Variants in C2CD2L observed in about 807,000 individuals in gnomAD.
C2CD2L encodes the protein C2CD2 like.
Under a neutral mutation model 69.9 loss-of-function variants are expected in C2CD2L, and 24 were observed. The ratio of observed to expected loss-of-function variants is 0.34; its 90% CI spans 0.25 to 0.48. The LOEUF is 0.48. C2CD2L is among the 20% of genes least tolerant of loss of function. The pLI is 0.99. For synonymous variants in C2CD2L, 367 were observed against 391.0 expected, an observed-to-expected ratio of 0.94 and a Z score of 0.72; for missense variants, 811 against 941.5, an observed-to-expected ratio of 0.86 and a Z score of 1.81.
intron 7 of C2CD2L, chr11:119,112,102 G>A (rs535369736): frequency 1.8e-5 from 10 of 553,276 alleles, no homozygotes; most frequent in South Asian, 1.8e-4. Flanking sequence ...AGGAAGAGCA[G>A]GACCAGGGAG....
intron 10 of C2CD2L, 150 bp from the exon 11 acceptor site, chr11:119,113,461 A>G (rs1592242474): frequency 5.6e-6 from 7 of 1,241,738 alleles, no homozygotes; most frequent in Non-Finnish European, 7.7e-6. Flanking sequence ...TTTAGTCCCC[A>G]CGGCATCTTC....
chr11:119,111,587 C>T lies in C2CD2L; in HGVS notation c.977C>T (p.Ala326Val), dbSNP rs140133210. 8.7e-5 allele frequency: 141 copies of T among 1,614,066 alleles called. No individual in the cohort carries two copies. The East Asian group carries it at 2.4e-3, about 27-fold the overall frequency. The change falls in exon 7 of 14, where the codon GCG becomes GTG. Residue 326 changes from alanine (A) to valine (V), a missense_variant. Physicochemically the swap from Ala to Val is moderately conservative, Grantham distance 64. Transcript: ENST00000648610. ...ATGCAGCAGAAGTGGACCAAGCCCGCGAGGGCTGGATCCGAGGTGGAGTGG... is the reference window on the plus strand; with the variant it reads ...ATGCAGCAGAAGTGGACCAAGCCCGTGAGGGCTGGATCCGAGGTGGAGTGG... ...NPMQQKWTKP[A>V]RAGSEVEWTE...
upstream of C2CD2L, chr11:119,107,219 C>T (rs1946607274): frequency 6.6e-6 from 1 of 152,310 alleles, no homozygotes; most frequent in Non-Finnish European, 1.5e-5. The surrounding 1 kb of genome is among the most constrained non-coding windows in gnomAD (Gnocchi z 5.4). Context: ...TATTTTCAAC[C>T]CCGGAACCTC....
rs1374800327 is a variant in C2CD2L, at chr11:119,114,608, T to A, written c.1909+243T>A. ...CTTTACCTCCATTGTTCTTTCTTCCTGAGTCTAAGTGCCATTTTTCCTGCC... is the reference window on the plus strand; with the variant it reads ...CTTTACCTCCATTGTTCTTTCTTCCAGAGTCTAAGTGCCATTTTTCCTGCC... On this transcript the variant is annotated intron_variant, in intron 13 of 13. Transcript: ENST00000648610. The surrounding 1 kb of genome is among the most constrained non-coding windows in gnomAD (Gnocchi z 5.1). 3.7e-6 allele frequency: 2 copies of A among 533,704 alleles called. No individual in the cohort carries two copies. Among genetic ancestry groups the A allele is most frequent in the East Asian group, 6.5e-5 (2 of 30,708 alleles). 33.1% of individuals were successfully genotyped at this position (533,704 alleles called of 1,614,324 possible). A position where few individuals can be genotyped will look rare whatever the true frequency, so the allele number is the denominator to read the frequency against.
At chr11:119,113,446 T>C (rs763935986) in intron 10 of C2CD2L, 165 bp from the exon 11 acceptor site, 1 of 995,802 alleles carries the variant, frequency 1.0e-6, no homozygotes, top group Non-Finnish European at 1.4e-6. Flanking sequence ...GCTCCTGGGG[T>C]GTCTTTTAGT....
rs201942374 is a variant in C2CD2L at position 119,110,916 on chromosome 11, G to T, written c.640G>T (p.Asp214Tyr). Reference protein sequence around the residue: ...LISWAFTDRPDLSLTVLPKLQ... With the variant: ...LISWAFTDRPYLSLTVLPKLQ... ...ATCCTGGGCCTTCACTGATCGCCCA[G>T]ATCTCAGCCTAACGGTGCTTCCCAA... is the stretch of plus-strand genomic sequence containing the variant. Residue 214 changes from aspartate to tyrosine, a missense_variant, in exon 4 of 14, where the codon GAT becomes TAT. Coordinates refer to ENST00000648610, the MANE Select transcript of C2CD2L (RefSeq NM_001290474.2). This position sits in a 1 kb window ranked among gnomAD's most constrained non-coding sequence, Gnocchi z 5.7. 1 of 1,614,192 alleles carries T rather than the reference G, an allele frequency of 6.2e-7. No individual in the cohort carries two copies. Among genetic ancestry groups the T allele is most frequent in the East Asian group, 2.2e-5 (1 of 44,880 alleles).
chr11:119,111,509 G>A lies in C2CD2L; in HGVS notation c.911-12G>A. On this transcript the variant is annotated splice_polypyrimidine_tract_variant and intron_variant, in intron 6 of 13. Transcript: ENST00000648610. ...CTGATCTGAGCATCTTCTAACTTCT[G>A]GTTCATCACAGGCACCGAGGAACTG... 2 of 1,613,164 alleles carry A rather than the reference G, an allele frequency of 1.2e-6. No individual in the cohort carries two copies. The highest frequency in any genetic ancestry group is 1.7e-6 in the Non-Finnish European group (2 of 1,179,142).
rs377510226 is a variant in C2CD2L, at chr11:119,112,810, C to G, written c.1323C>G (p.Pro441=). The change falls in exon 10 of 14, where the codon CCC becomes CCG. Residue 441 remains proline (P), a synonymous_variant. Coordinates refer to ENST00000648610, the MANE Select transcript of C2CD2L (RefSeq NM_001290474.2). ...TTGAGCTTGACCGGACCATCATGCC[C>G]GATGGCACCATTGTCACCACAGTCA... ...KKIELDRTIM[P]DGTIVTTVTT... is the part of the protein sequence containing the mutation. 4 of 1,614,074 alleles carry G rather than the reference C, an allele frequency of 2.5e-6. No individual in the cohort carries two copies. The highest frequency in any genetic ancestry group is 2.2e-5 in the East Asian group (1 of 44,878).
rs768257581 is a variant in C2CD2L at position 119,112,552 on chromosome 11, C to G, written c.1155C>G (p.Cys385Trp). Reference protein sequence around the residue: ...PSRPLSRRQLCPLTPGPGKAL... With the variant: ...PSRPLSRRQLWPLTPGPGKAL... ...GACCACTGTCTCGAAGACAGTTGTG[C>G]CCACTCACCCCAGGGCCAGGGAAAG... is the stretch of plus-strand genomic sequence containing the variant. Residue 385 changes from cysteine to tryptophan, a missense_variant, in exon 9 of 14, where the codon TGC becomes TGG. By Grantham distance (215) the Cys-to-Trp change is radical. Transcript: ENST00000648610. 1.9e-6 allele frequency: 3 copies of G among 1,613,150 alleles called. No homozygotes were observed. In the East Asian group the frequency reaches 6.7e-5, roughly 36 times the overall value.
intron 7 of C2CD2L, chr11:119,111,940 A>G: frequency 2.3e-6 from 1 of 440,344 alleles, no homozygotes; most frequent in South Asian, 2.8e-5. Context: ...ATGAGGGAAT[A>G]AGGATCAGAG....
rs955270888 is a variant in C2CD2L, at chr11:119,117,582, T to G, written c.*1326T>G. 1.3e-5 allele frequency: 2 copies of G among 152,220 alleles called. No individual in the cohort carries two copies. The highest frequency in any genetic ancestry group is 2.9e-5 in the Non-Finnish European group (2 of 68,040). The allele number at this position is 152,220 out of a possible 1,614,324, so 9.4% of individuals were successfully genotyped here. ...GGTTGTGGATGAGAAGTAAATGAAG[T>G]GCTGAGTGTTAACTGTTGCCTCAGA... On this transcript the variant is annotated 3_prime_UTR_variant, in exon 14 of 14. Transcript: ENST00000648610.
At position 119,110,715 on chromosome 11, in the gene C2CD2L, G is replaced by T; in HGVS notation, c.570+35G>T. 2 of 1,612,520 alleles carry T rather than the reference G, an allele frequency of 1.2e-6. No individual in the cohort carries two copies. Among genetic ancestry groups the T allele is most frequent in the East Asian group, 4.5e-5 (2 of 44,840 alleles). ...GATGTGGGAAACTGAGTTGGGCAGG[G>T]GCGGTTCCATTGGCTCAGCTTCTTC... On this transcript the variant is annotated intron_variant, in intron 3 of 13. Transcript: ENST00000648610. The surrounding 1 kb of genome is among the most constrained non-coding windows in gnomAD (Gnocchi z 5.7).
chr11:119,113,458 C>A (rs900411640), intron 10 of C2CD2L, 153 bp from the exon 11 acceptor site: 2 of 1,206,572 alleles, frequency 1.7e-6, no homozygotes, highest in Admixed American at 5.5e-5. Context: ...TCTTTTAGTC[C>A]CCACGGCATC....
chr11:119,108,815 G>C (rs1344889375), intron 1 of C2CD2L, among the ~76,000 whole-genome samples: 1 of 152,132 alleles, frequency 6.6e-6, no homozygotes, highest in Non-Finnish European at 1.5e-5. Flanking sequence ...CTTTTCTGGA[G>C]CTCCCTCCCA....
intron 13 of C2CD2L, 41 bp from the exon 14 acceptor site, chr11:119,116,004 C>T: frequency 6.4e-7 from 1 of 1,573,182 alleles, no homozygotes; most frequent in Non-Finnish European, 8.7e-7. Context: ...TCACCCCACC[C>T]CGTGCCCCTC....
rs617948 is a variant in C2CD2L, at chr11:119,110,315, A to G, written c.450+116A>G. 417,526 of 845,388 alleles carry G rather than the reference A, an allele frequency of 0.49. 110,296 individuals are homozygous for G. The highest frequency in any genetic ancestry group is 0.66 in the African/African-American group (38,615 of 58,684). 52.4% of individuals were successfully genotyped at this position (845,388 alleles called of 1,614,324 possible). ...CTGTGAATGCCTTATGGATCTAAGG[A>G]TTGGTTTCAGGAAGTCTGAGAATCC... On this transcript the variant is annotated intron_variant, in intron 2 of 13. Transcript: ENST00000648610. The surrounding 1 kb of genome is among the most constrained non-coding windows in gnomAD (Gnocchi z 5.7).
chr11:119,112,288 T>C (rs1203026264), intron 7 of C2CD2L, 40 bp from the exon 8 acceptor site: 19 of 1,586,278 alleles, frequency 1.2e-5, no homozygotes, highest in Non-Finnish European at 1.5e-5. Context: ...TTCAGCTTGC[T>C]AATTTTCTCC....
At chr11:119,111,895 G>A (rs1432892364) in intron 7 of C2CD2L, 17 of 476,326 alleles carry the variant, frequency 3.6e-5, no homozygotes, top group African/African-American at 7.8e-5. Flanking sequence ...GTAATGTGCC[G>A]TCAGAGTGCC....
chr11:119,105,506 G>C (rs566010924), upstream of C2CD2L, among the ~76,000 whole-genome samples: 54 of 152,264 alleles, frequency 3.5e-4, no homozygotes, highest in African/African-American at 1.3e-3. Context: ...CAGGCATGAT[G>C]GCGCATGCCT....
Sources: gnomAD v4.1 joint callset for allele counts (sites outside exome capture counted in the v4.1 genomes callset) on GRCh38, gnomAD v4.1.1 for gene constraint, Gnocchi (gnomAD v3.1) non-coding constraint, MANE v1.5 for transcripts, NCBI Gene and HGNC (gene_info 2026-07-23, HGNC 2026-07-21) for gene names.